AFAP1L1: variants seen among roughly 807,000 people sequenced by gnomAD.
The protein encoded by AFAP1L1 is actin filament associated protein 1 like 1, also known as actin filament-associated protein 1-like 1.
AFAP1L1 carries 77 observed loss-of-function variants against 99.8 expected under a neutral mutation model. The observed-to-expected ratio is 0.77, with a 90% CI of 0.64 to 0.93. The LOEUF (loss-of-function observed/expected upper bound fraction) is 0.93. AFAP1L1 is among the 40% of genes least tolerant of loss of function. AFAP1L1 has a pLI of 0.00. For synonymous variants in AFAP1L1, 373 were observed against 395.3 expected, an observed-to-expected ratio of 0.94 and a Z score of 0.67; for missense variants, 893 against 996.8, an observed-to-expected ratio of 0.90 and a Z score of 1.40.
At chr5:149,281,261 C>T (rs1178332176) in intron 1 of AFAP1L1, among the ~76,000 whole-genome samples, 4 of 152,158 alleles carry the variant, frequency 2.6e-5, no homozygotes, top group East Asian at 1.9e-4. Flanking sequence ...TCTTTTCTGT[C>T]GCATCTCTTG....
chr5:149,324,309 CCT>C (rs1757035754), intron 15 of AFAP1L1, among the ~76,000 whole-genome samples: 1 of 152,162 alleles, frequency 6.6e-6, no homozygotes, highest in Admixed American at 6.5e-5. Flanking sequence ...CTGGTGAGGG[CCT>C]GTTTCCTGGT....
intron 7 of AFAP1L1, 121 bp downstream of exon 7, chr5:149,307,734 C>A: frequency 1.0e-6 from 1 of 1,001,230 alleles, no homozygotes; most frequent in Non-Finnish European, 1.5e-6. Flanking sequence ...TGCACAGAAG[C>A]TCAAAGGCCC....
chr5:149,335,084 G>A (rs890252721), intron 17 of AFAP1L1, among the ~76,000 whole-genome samples: 16 of 152,210 alleles, frequency 1.1e-4, no homozygotes, highest in African/African-American at 2.9e-4. Flanking sequence ...TGCTTTGTAC[G>A]TAGTGAGGTT....
intron 1 of AFAP1L1, among the ~76,000 whole-genome samples, chr5:149,281,190 C>T (rs779192090): frequency 2.5e-4 from 38 of 152,152 alleles, no homozygotes; most frequent in Non-Finnish European, 3.4e-4. Context: ...ATGGGGGACT[C>T]ATCAGACAGA....
intron 1 of AFAP1L1, among the ~76,000 whole-genome samples, chr5:149,276,491 A>AT (rs748216298): frequency 6.6e-6 from 1 of 152,232 alleles, no homozygotes; most frequent in Non-Finnish European, 1.5e-5. Flanking sequence ...GAACAAGTTA[A>AT]TTAGCTCTCT....
At chr5:149,310,764 G>T (rs777048235) in intron 8 of AFAP1L1, among the ~76,000 whole-genome samples, 6 of 152,196 alleles carry the variant, frequency 3.9e-5, no homozygotes, top group Non-Finnish European at 8.8e-5. Flanking sequence ...AGTGGTGGGA[G>T]CCAGAATTTG....
At chr5:149,307,817 T>TA (rs1491364762) in intron 7 of AFAP1L1, among the ~76,000 whole-genome samples, 1 of 143,616 alleles carries the variant, frequency 7.0e-6, no homozygotes, top group Admixed American at 7.1e-5. Flanking sequence ...TGTGCCTCTC[T>TA]TTCTCTCTCT....
rs912983096 is a variant in AFAP1L1 at position 149,320,897 on chromosome 5, T to C, written c.1698+434T>C. On this transcript the variant is annotated intron_variant, in intron 14 of 18. Coordinates refer to ENST00000296721, the MANE Select transcript of AFAP1L1 (RefSeq NM_152406.4). The surrounding 1 kb of genome is among the most constrained non-coding windows in gnomAD (Gnocchi z 4.0). ...GCTTCAGCTCCCAGGCCAGTCTCCA[T>C]GTTTTGCTTGCTAAGCCAGGGAGAT... 6.6e-6 allele frequency among the ~76,000 whole-genome samples: 1 copy of C among 152,188 alleles called. No individual in the cohort carries two copies. The highest frequency in any genetic ancestry group is 2.4e-5 in the African/African-American group (1 of 41,452).
chr5:149,293,307 C>T (rs1693905), intron 1 of AFAP1L1, among the ~76,000 whole-genome samples: 140,428 of 152,268 alleles, frequency 0.92, 64,854 homozygotes, highest in Non-Finnish European at 0.94. Flanking sequence ...CCCCAGAGGC[C>T]CACAGCTAGA....
At chr5:149,315,746 A>G (rs1561677521) in intron 9 of AFAP1L1, 75 bp from the exon 10 acceptor site, 2 of 1,275,334 alleles carry the variant, frequency 1.6e-6, no homozygotes. Flanking sequence ...TTGGAGGGAG[A>G]TTGAACCAAT....
intron 1 of AFAP1L1, 66 bp from the exon 2 acceptor site, chr5:149,299,443 C>T: frequency 6.3e-7 from 1 of 1,587,934 alleles, no homozygotes. Flanking sequence ...TGGTGGGGGG[C>T]CGAACTCCCG....
At position 149,341,313 on chromosome 5, in the gene AFAP1L1, G is replaced by A. The variant is rs370682712; in HGVS notation, c.*1283G>A. 40 of 152,268 alleles carry A rather than the reference G, an allele frequency of 2.6e-4. 1 individual carries two copies. Among genetic ancestry groups the A allele is most frequent in the African/African-American group, 9.6e-4 (40 of 41,552 alleles). 9.4% of individuals were successfully genotyped at this position (152,268 alleles called of 1,614,324 possible). A position where few individuals can be genotyped will look rare whatever the true frequency, so the allele number is the denominator to read the frequency against. ...TCTGAGGTAGCTGGAGACCACAGCA[G>A]GAAAAATAACCTGACCAGTAATCAC... On this transcript the variant is annotated 3_prime_UTR_variant, in exon 19 of 19. Transcript: ENST00000296721.
chr5:149,298,362 A>G (rs1327844773), intron 1 of AFAP1L1, among the ~76,000 whole-genome samples: 1 of 152,238 alleles, frequency 6.6e-6, no homozygotes, highest in Non-Finnish European at 1.5e-5. Flanking sequence ...TGGGAGGAAC[A>G]AAGAAAATAC....
intron 8 of AFAP1L1, among the ~76,000 whole-genome samples, chr5:149,311,823 G>A (rs981585075): frequency 6.6e-6 from 1 of 152,214 alleles, no homozygotes; most frequent in Non-Finnish European, 1.5e-5. Context: ...TGCAGATGTG[G>A]ACACTGAGGC....
chr5:149,298,491 T>C (rs1224810773), intron 1 of AFAP1L1, among the ~76,000 whole-genome samples: 2 of 152,152 alleles, frequency 1.3e-5, no homozygotes, highest in Non-Finnish European at 2.9e-5. Flanking sequence ...TTTAGTTTCA[T>C]CCTCCATGTA....
In AFAP1L1 at chr5:149,271,893, C is replaced by T; in HGVS notation, c.-76C>T. On this transcript the variant is annotated 5_prime_UTR_variant, in exon 1 of 19. Coordinates refer to ENST00000296721, the MANE Select transcript of AFAP1L1 (RefSeq NM_152406.4). ...CGGCCGCTGGGCTGGCCTGAGAGCG[C>T]AGCGCGCCGGCCGCTACCAGCCGCG... 1 of 1,126,088 alleles carries T rather than the reference C, an allele frequency of 8.9e-7. No individual in the cohort carries two copies. 69.8% of individuals were successfully genotyped at this position (1,126,088 alleles called of 1,614,324 possible). A position where few individuals can be genotyped will look rare whatever the true frequency, so the allele number is the denominator to read the frequency against.
At chr5:149,316,872 G>A (rs565603108) in intron 11 of AFAP1L1, among the ~76,000 whole-genome samples, 2 of 152,142 alleles carry the variant, frequency 1.3e-5, no homozygotes, top group Non-Finnish European at 2.9e-5. Context: ...TATTATAAAA[G>A]TACATGGCAA....
At chr5:149,304,595 A>G (rs1184529259) in intron 5 of AFAP1L1, among the ~76,000 whole-genome samples, 1 of 152,234 alleles carries the variant, frequency 6.6e-6, no homozygotes, top group East Asian at 1.9e-4. Flanking sequence ...AGGAAGGGCC[A>G]GGAACCTTGT....
chr5:149,335,861 T>G, intron 18 of AFAP1L1, 139 bp downstream of exon 18: 1 of 1,165,874 alleles, frequency 8.6e-7, no homozygotes, highest in Non-Finnish European at 1.2e-6. Flanking sequence ...CTCATGAACC[T>G]TCCTCAGAAG....
Sources: gnomAD v4.1 joint callset for allele counts (sites outside exome capture counted in the v4.1 genomes callset) on GRCh38, gnomAD v4.1.1 for gene constraint, Gnocchi (gnomAD v3.1) non-coding constraint, MANE v1.5 for transcripts, NCBI Gene and HGNC (gene_info 2026-07-23, HGNC 2026-07-21) for gene names.